The following CDC42BPA variants were observed in gnomAD, a reference collection of about 807,000 sequenced individuals.
CDC42BPA encodes serine/threonine-protein kinase MRCK alpha.
A neutral mutation model predicts 223.5 loss-of-function variants in CDC42BPA; 80 were observed. The observed-to-expected ratio is 0.36, with a 90% CI of 0.30 to 0.43. The LOEUF (loss-of-function observed/expected upper bound fraction) is 0.43, where lower values mean the gene tolerates loss of function less well. Ranked by LOEUF, CDC42BPA falls within the 20% of genes least tolerant of loss-of-function variation. The pLI, the probability that CDC42BPA is intolerant of heterozygous loss-of-function variation, is 1.00. For missense variants in CDC42BPA, 1,743 were observed against 2,099.9 expected (o/e 0.83, Z 3.32); for synonymous variants, 694 against 718.6 (o/e 0.97, Z 0.55).
At chr1:227,277,625 T>C (rs1201538663) in intron 1 of CDC42BPA, among the ~76,000 whole-genome samples, 1 of 152,222 alleles carries the variant, frequency 6.6e-6, no homozygotes, top group Non-Finnish European at 1.5e-5. Flanking sequence ...ATAATGGAAT[T>C]TAAAAACTGA....
chr1:227,177,798 C>G (rs1667225928), intron 5 of CDC42BPA, among the ~76,000 whole-genome samples: 1 of 152,178 alleles, frequency 6.6e-6, no homozygotes, highest in Non-Finnish European at 1.5e-5. Flanking sequence ...GCATGTTACA[C>G]CTTTTCATTC....
chr1:227,021,280 C>A (rs1360054646), intron 32 of CDC42BPA, among the ~76,000 whole-genome samples: 1 of 151,914 alleles, frequency 6.6e-6, no homozygotes, highest in Non-Finnish European at 1.5e-5. Flanking sequence ...GACTTGTAAA[C>A]AATGTAGTAT....
At chr1:227,103,865 A>T (rs1685455150) in intron 14 of CDC42BPA, among the ~76,000 whole-genome samples, 2 of 152,160 alleles carry the variant, frequency 1.3e-5, no homozygotes, top group Non-Finnish European at 2.9e-5. Context: ...AAAAGAAAGC[A>T]GAATTAAATA....
At chr1:227,248,043 A>ATG (rs1348903780) in intron 2 of CDC42BPA, among the ~76,000 whole-genome samples, 1 of 152,160 alleles carries the variant, frequency 6.6e-6, no homozygotes, top group Non-Finnish European at 1.5e-5. Context: ...CTATTTGAAA[A>ATG]TACACAGAGG....
At chr1:227,185,515 T>A (rs1037031945) in intron 5 of CDC42BPA, among the ~76,000 whole-genome samples, 1 of 152,138 alleles carries the variant, frequency 6.6e-6, no homozygotes, top group African/African-American at 2.4e-5. Context: ...TTTCGCCGGC[T>A]ACGTGAATGA....
At chr1:227,230,878 T>A (rs1677791081) in intron 2 of CDC42BPA, among the ~76,000 whole-genome samples, 1 of 141,244 alleles carries the variant, frequency 7.1e-6, no homozygotes, top group Admixed American at 7.8e-5. Flanking sequence ...TGGAGTGCAG[T>A]GGCGTGGTCT....
intron 32 of CDC42BPA, among the ~76,000 whole-genome samples, chr1:227,022,033 AAT>A (rs1491028847): frequency 2.0e-5 from 3 of 151,832 alleles, no homozygotes; most frequent in African/African-American, 7.2e-5. Flanking sequence ...GCAAAAAAAA[AAT>A]AAAATAAAAA....
At chr1:227,035,984 C>G (rs958959760) in intron 24 of CDC42BPA, among the ~76,000 whole-genome samples, 14 of 152,146 alleles carry the variant, frequency 9.2e-5, no homozygotes, top group Admixed American at 6.5e-4. Flanking sequence ...ATTTCTGTTG[C>G]AAGGGTCACT....
At chr1:227,112,556 G>C in intron 13 of CDC42BPA, 115 bp downstream of exon 13, 1 of 913,054 alleles carries the variant, frequency 1.1e-6, no homozygotes, top group Non-Finnish European at 1.5e-6. Flanking sequence ...TAATATTAAT[G>C]AACTATAAAA....
intron 23 of CDC42BPA, among the ~76,000 whole-genome samples, chr1:227,042,271 C>G (rs575610853): frequency 7.3e-6 from 1 of 136,238 alleles, no homozygotes; most frequent in East Asian, 2.0e-4. Flanking sequence ...TCCATAATAC[C>G]TCCCGAATTG....
In CDC42BPA at chr1:226,990,406, A is replaced by T. The variant is rs1265388663; in HGVS notation, c.*3862T>A. The T allele has an allele frequency of 1.3e-5, 2 of 152,224 alleles. No homozygotes were observed. The highest frequency in any genetic ancestry group is 4.8e-5 in the African/African-American group (2 of 41,456). 9.4% of individuals were successfully genotyped at this position (152,224 alleles called of 1,614,324 possible). A position where few individuals can be genotyped will look rare whatever the true frequency, so the allele number is the denominator to read the frequency against. On this transcript the variant is annotated 3_prime_UTR_variant, in exon 37 of 37. Transcript: ENST00000366766. ...GCACAGAGAACTCTGGACTTGAGTA[A>T]CAAAGTCATAAGGAAAGAGATTTTA...
rs907498952 is a variant in CDC42BPA, at chr1:227,204,918, A to C, written c.355-5266T>G. Among the ~76,000 whole-genome samples the C allele has an allele frequency of 2.6e-5, 4 of 151,672 alleles. No individual in the cohort carries two copies. In the East Asian group the frequency reaches 7.7e-4, roughly 29 times the overall value. ...TTCAAAATAGTAAAAATAAGGAAACAATCTAAATTCCCATAAACTTAAAAA... is the reference window on the plus strand; with the variant it reads ...TTCAAAATAGTAAAAATAAGGAAACCATCTAAATTCCCATAAACTTAAAAA... On this transcript the variant is annotated intron_variant, in intron 3 of 36. Transcript: ENST00000366766.
At chr1:227,304,053 C>T (rs1296079992) in intron 1 of CDC42BPA, among the ~76,000 whole-genome samples, 1 of 152,170 alleles carries the variant, frequency 6.6e-6, no homozygotes, top group Admixed American at 6.6e-5. Flanking sequence ...CCATGAAGTA[C>T]TTGTTTACAA....
chr1:227,225,617 T>G lies in CDC42BPA; in HGVS notation c.271-12398A>C, dbSNP rs183448698. Among the ~76,000 whole-genome samples the G allele has an allele frequency of 9.2e-5, 14 of 152,288 alleles. No homozygotes were observed. In the East Asian group the frequency reaches 2.1e-3, roughly 23 times the overall value. On this transcript the variant is annotated intron_variant, in intron 2 of 36. Transcript: ENST00000366766. ...TCCCCATTAGAACAATAAAAGTATT[T>G]TATATCTTTATTCCCATTTTCATAA...
At chr1:227,022,919 G>A (rs1344852502) in intron 32 of CDC42BPA, among the ~76,000 whole-genome samples, 2 of 152,128 alleles carry the variant, frequency 1.3e-5, no homozygotes, top group Non-Finnish European at 2.9e-5. Context: ...CTAGATGAGT[G>A]TTTATAATTT....
intron 1 of CDC42BPA, among the ~76,000 whole-genome samples, chr1:227,287,719 A>T (rs1029281328): frequency 2.6e-4 from 39 of 152,344 alleles, no homozygotes; most frequent in African/African-American, 9.4e-4. Context: ...ATTGACAAAT[A>T]ATTATACATA....
chr1:227,064,905 G>A (rs1166110064), intron 21 of CDC42BPA, among the ~76,000 whole-genome samples: 1 of 152,054 alleles, frequency 6.6e-6, no homozygotes, highest in African/African-American at 2.4e-5. Context: ...AGACCATCCT[G>A]GCTAACACGG....
intron 1 of CDC42BPA, among the ~76,000 whole-genome samples, chr1:227,272,265 T>C (rs937406040): frequency 1.3e-5 from 2 of 152,174 alleles, no homozygotes; most frequent in African/African-American, 2.4e-5. Flanking sequence ...AGTTCCAATA[T>C]AGACAATCTA....
intron 2 of CDC42BPA, among the ~76,000 whole-genome samples, chr1:227,227,217 GA>G (rs1417393196): frequency 5.9e-5 from 9 of 151,778 alleles, no homozygotes; most frequent in Admixed American, 5.2e-4. Context: ...GAAAAAGAAA[GA>G]AAAAAACATA....
Sources: gnomAD v4.1 joint callset for allele counts (sites outside exome capture counted in the v4.1 genomes callset) on GRCh38, gnomAD v4.1.1 for gene constraint, MANE v1.5 for transcripts, NCBI Gene and HGNC (gene_info 2026-07-23, HGNC 2026-07-21) for gene names.